CFAP299: variants seen among roughly 807,000 people sequenced by gnomAD.
The protein encoded by CFAP299 is cilia- and flagella-associated protein 299.
A neutral mutation model predicts 27.0 loss-of-function variants in CFAP299; 21 were observed. That is an observed-to-expected ratio of 0.78 (90% CI 0.55 to 1.12). The LOEUF is 1.12. Among genes scored for constraint, CFAP299 ranks in the 50% most tolerant of loss-of-function variants. The pLI is 0.00. For synonymous variants in CFAP299, 104 were observed against 98.1 expected (o/e 1.06, Z -0.36); for missense variants, 310 against 276.6 (o/e 1.12, Z -0.86).
intron 3 of CFAP299, among the ~76,000 whole-genome samples, chr4:80,628,113 C>A (rs929582145): frequency 1.3e-5 from 2 of 152,076 alleles, no homozygotes; most frequent in South Asian, 4.1e-4. Context: ...ACCAAAACAG[C>A]ATGGTACTGG....
chr4:80,401,116 A>G (rs1267897339), intron 2 of CFAP299, among the ~76,000 whole-genome samples: 7 of 152,340 alleles, frequency 4.6e-5, no homozygotes, highest in Middle Eastern at 3.4e-3. Context: ...TATTAAAGGC[A>G]TTCAGTTTTA....
chr4:80,528,954 G>A (rs754245153), intron 2 of CFAP299, among the ~76,000 whole-genome samples: 3 of 152,046 alleles, frequency 2.0e-5, no homozygotes, highest in Non-Finnish European at 2.9e-5. Context: ...GATCCCAAAT[G>A]CATTCAGTTC....
intron 3 of CFAP299, among the ~76,000 whole-genome samples, chr4:80,763,244 A>G (rs576603052): frequency 5.7e-4 from 87 of 152,214 alleles, no homozygotes; most frequent in Non-Finnish European, 1.2e-3. Context: ...CTGATAAGCA[A>G]CTTCAGCAAA....
At chr4:80,525,849 C>T (rs1488643599) in intron 2 of CFAP299, among the ~76,000 whole-genome samples, 1 of 152,144 alleles carries the variant, frequency 6.6e-6, no homozygotes, top group Non-Finnish European at 1.5e-5. Flanking sequence ...TTAGAATTTA[C>T]AGTAGTTCCA....
intron 3 of CFAP299, among the ~76,000 whole-genome samples, chr4:80,655,821 T>C (rs939727492): frequency 1.3e-5 from 2 of 152,142 alleles, no homozygotes; most frequent in African/African-American, 4.8e-5. Flanking sequence ...GCTGCCAACT[T>C]CATTTTCTGA....
Position 80,544,321 on chromosome 4 carries a change from C to T in CFAP299, c.243-38772C>T, listed in dbSNP as rs537238527. 3.7e-4 allele frequency among the ~76,000 whole-genome samples: 57 copies of T among 152,300 alleles called. 2 individuals carry two copies. In the South Asian group the frequency reaches 0.012, roughly 31 times the overall value. ...TCAAGTCTACATAACAACTGGCTAA[C>T]AGCATGATAACAGAATCAAATCCTC... is the stretch of plus-strand genomic sequence containing the variant. On this transcript the variant is annotated intron_variant, in intron 2 of 5. Coordinates refer to ENST00000358105, the MANE Select transcript of CFAP299 (RefSeq NM_152770.3).
At chr4:80,524,022 T>G (rs1405822541) in intron 2 of CFAP299, among the ~76,000 whole-genome samples, 1 of 152,122 alleles carries the variant, frequency 6.6e-6, no homozygotes, top group East Asian at 1.9e-4. Flanking sequence ...AAACAGTCAC[T>G]TCTCTTGAAA....
chr4:80,876,743 T>G (rs930553359), intron 4 of CFAP299, among the ~76,000 whole-genome samples: 3 of 152,194 alleles, frequency 2.0e-5, no homozygotes, highest in African/African-American at 7.2e-5. Context: ...ATTATTCCAT[T>G]TAAGACTTTG....
intron 3 of CFAP299, among the ~76,000 whole-genome samples, chr4:80,814,422 A>C (rs150238057): frequency 4.4e-4 from 67 of 152,078 alleles, no homozygotes; most frequent in African/African-American, 1.5e-3. Context: ...GCATTTTTCC[A>C]TGTTTATAGT....
intron 2 of CFAP299, among the ~76,000 whole-genome samples, chr4:80,576,027 G>T (rs2109861146): frequency 6.6e-6 from 1 of 151,718 alleles, no homozygotes; most frequent in Admixed American, 6.6e-5. Context: ...ACAAACCGGG[G>T]CCTGTTGTGG....
rs116746959 is a variant in CFAP299 at position 80,395,563 on chromosome 4, A to T, written c.242+32679A>T. ...TTTCTTCTATACCAAACTTGTTGAG[A>T]GTTTTTATCATAAAAGTATTTAAAA... On this transcript the variant is annotated intron_variant, in intron 2 of 5. Transcript: ENST00000358105. Among the ~76,000 whole-genome samples, 1,495 of 152,178 alleles carry T rather than the reference A, an allele frequency of 9.8e-3. 10 individuals carry two copies. The highest frequency in any genetic ancestry group is 0.016 in the Non-Finnish European group (1,057 of 67,952).
chr4:80,714,221 TAGAGAGTACAGAGGAA>T (rs1168097108), intron 3 of CFAP299, among the ~76,000 whole-genome samples: 1 of 152,096 alleles, frequency 6.6e-6, no homozygotes, highest in East Asian at 1.9e-4. Flanking sequence ...GTGTGGGCTA[TAGAGAGTACAGAGGAA>T]AAGAGAGAGA....
intron 3 of CFAP299, among the ~76,000 whole-genome samples, chr4:80,844,751 T>C (rs1731074258): frequency 6.6e-6 from 1 of 152,198 alleles, no homozygotes; most frequent in Admixed American, 6.5e-5. Flanking sequence ...AGAAGTTCTT[T>C]AGTTTAATTA....
At chr4:80,948,298 G>A (rs1200852469) in intron 5 of CFAP299, among the ~76,000 whole-genome samples, 1 of 152,090 alleles carries the variant, frequency 6.6e-6, no homozygotes, top group East Asian at 1.9e-4. Context: ...GAGTTCATTG[G>A]TTAGGAAATT....
intron 2 of CFAP299, among the ~76,000 whole-genome samples, chr4:80,375,599 C>T (rs370151180): frequency 4.1e-4 from 63 of 152,248 alleles, no homozygotes; most frequent in African/African-American, 1.4e-3. Context: ...GAAATAAAGT[C>T]GAGAATTCAA....
chr4:80,522,749 A>T (rs1732985510), intron 2 of CFAP299, among the ~76,000 whole-genome samples: 2 of 152,142 alleles, frequency 1.3e-5, no homozygotes, highest in Admixed American at 1.3e-4. Context: ...TTTGTTGAAG[A>T]AGCTATTCTT....
At chr4:80,946,551 A>G (rs1439074329) in intron 5 of CFAP299, among the ~76,000 whole-genome samples, 2 of 152,208 alleles carry the variant, frequency 1.3e-5, no homozygotes, top group African/African-American at 2.4e-5. Context: ...TATTCAAATG[A>G]CAATGCACCC....
intron 3 of CFAP299, among the ~76,000 whole-genome samples, chr4:80,722,331 C>T (rs988341592): frequency 6.6e-6 from 1 of 151,230 alleles, no homozygotes; most frequent in Non-Finnish European, 1.5e-5. Context: ...GCAGGAGAAT[C>T]GCTTGAACCC....
intron 4 of CFAP299, among the ~76,000 whole-genome samples, chr4:80,908,106 G>A (rs1578230274): frequency 6.6e-6 from 1 of 152,230 alleles, no homozygotes; most frequent in Admixed American, 6.5e-5. Context: ...GGAACCTGAA[G>A]TGTCTTGTTC....
Sources: gnomAD v4.1 joint callset for allele counts (sites outside exome capture counted in the v4.1 genomes callset) on GRCh38, gnomAD v4.1.1 for gene constraint, MANE v1.5 for transcripts, NCBI Gene and HGNC (gene_info 2026-07-23, HGNC 2026-07-21) for gene names.